The following COL19A1 variants were observed in gnomAD, a reference collection of about 807,000 sequenced individuals.
COL19A1 encodes collagen alpha-1(XIX) chain.
Under a neutral mutation model 190.2 loss-of-function variants are expected in COL19A1, and 159 were observed. The observed-to-expected ratio is 0.84, with a 90% CI of 0.73 to 0.95. The LOEUF is 0.95. Ranked by LOEUF, COL19A1 falls within the 40% of genes least tolerant of loss-of-function variation. The pLI, the probability that COL19A1 is intolerant of heterozygous loss-of-function variation, is 0.00. For synonymous variants in COL19A1, 509 were observed against 458.9 expected, an observed-to-expected ratio of 1.11 and a Z score of -1.39; for missense variants, 1,418 against 1,431.9, an observed-to-expected ratio of 0.99 and a Z score of 0.16.
At chr6:69,954,336 C>A (rs1441596153) in intron 9 of COL19A1, among the ~76,000 whole-genome samples, 2 of 152,010 alleles carry the variant, frequency 1.3e-5, no homozygotes, top group African/African-American at 4.8e-5. Context: ...ATCCCAGCAA[C>A]TGACCCAGCG....
chr6:69,913,836 G>T (rs996839275), intron 4 of COL19A1, among the ~76,000 whole-genome samples: 1 of 152,050 alleles, frequency 6.6e-6, no homozygotes. Context: ...GAAAATCTCA[G>T]CTTTCAATTA....
chr6:70,145,126 A>AG, intron 25 of COL19A1, 119 bp downstream of exon 25: 5 of 763,914 alleles, frequency 6.5e-6, no homozygotes, highest in Non-Finnish European at 8.8e-6. Context: ...AAAGGAAAAA[A>AG]GAACTTAAAA....
chr6:70,194,226 G>A (rs912355602), intron 48 of COL19A1, among the ~76,000 whole-genome samples: 1 of 152,162 alleles, frequency 6.6e-6, no homozygotes, highest in African/African-American at 2.4e-5. Flanking sequence ...ATCATCCCAA[G>A]TGTCCAGATT....
intron 15 of COL19A1, among the ~76,000 whole-genome samples, chr6:70,076,250 T>C (rs1169002958): frequency 2.0e-5 from 3 of 152,184 alleles, no homozygotes; most frequent in African/African-American, 7.2e-5. Context: ...TTGGCAATTC[T>C]CCAAGGCTGC....
chr6:70,211,170 G>A lies in COL19A1; in HGVS notation c.*3896G>A, dbSNP rs148101758. ...AATTTTACAGTTATATTTGTATAAC[G>A]TTTATATTTTTCTAGAATACATCAC... On this transcript the variant is annotated 3_prime_UTR_variant, in exon 51 of 51. Transcript: ENST00000620364. Among the ~76,000 whole-genome samples the A allele has an allele frequency of 7.0e-4, 107 of 152,042 alleles. 1 individual carries two copies. The East Asian group carries it at 0.018, about 26-fold the overall frequency.
At chr6:70,206,123 C>T (rs1767833703) in intron 49 of COL19A1, among the ~76,000 whole-genome samples, 1 of 152,170 alleles carries the variant, frequency 6.6e-6, no homozygotes, top group African/African-American at 2.4e-5. Flanking sequence ...CCTTTCATTT[C>T]CTTTAATTCT....
chr6:70,212,209 T>G lies in COL19A1; in HGVS notation c.*4935T>G, dbSNP rs1768246378. 6.6e-6 allele frequency among the ~76,000 whole-genome samples: 1 copy of G among 152,232 alleles called. No homozygotes were observed. Among genetic ancestry groups the G allele is most frequent in the African/African-American group, 2.4e-5 (1 of 41,458 alleles). On this transcript the variant is annotated 3_prime_UTR_variant, in exon 51 of 51. Transcript: ENST00000620364. ...CATTAATGTCTTTAAATTCAGGTTG[T>G]ATTGGGTGTATTTTACAACTATTTA...
chr6:70,146,329 G>C (rs1448570922), intron 25 of COL19A1, among the ~76,000 whole-genome samples: 2 of 152,080 alleles, frequency 1.3e-5, no homozygotes, highest in Non-Finnish European at 1.5e-5. Context: ...TTGAAAACTG[G>C]ACTGCCGGAA....
chr6:69,902,390 G>A (rs781223058), intron 4 of COL19A1, among the ~76,000 whole-genome samples: 25 of 152,108 alleles, frequency 1.6e-4, no homozygotes, highest in Non-Finnish European at 2.9e-4. Context: ...TGAGAGGAGA[G>A]ACCTAATGAG....
chr6:70,190,322 C>A lies in COL19A1; in HGVS notation c.3035C>A (p.Ala1012Glu). 2 of 1,601,674 alleles carry A rather than the reference C, an allele frequency of 1.2e-6. No homozygotes were observed. The highest frequency in any genetic ancestry group is 8.5e-7 in the Non-Finnish European group (1 of 1,170,658). ...TTTTTTTTCCTTCTTCAGGCTGATG[C>A]AGTTTCATTTGAAGAAATAAAGAAG... Reference protein sequence around the residue: ...SPGIPGIPADAVSFEEIKKYI... With the variant: ...SPGIPGIPADEVSFEEIKKYI... Residue 1012 changes from alanine (A) to glutamate (E), a missense_variant, in exon 48 of 51, where the codon GCA becomes GAA. Coordinates refer to ENST00000620364, the MANE Select transcript of COL19A1 (RefSeq NM_001858.6).
At chr6:70,078,288 G>A (rs542025504) in intron 15 of COL19A1, among the ~76,000 whole-genome samples, 24 of 152,318 alleles carry the variant, frequency 1.6e-4, no homozygotes, top group Admixed American at 3.9e-4. Context: ...TACCATGGAA[G>A]TTGGCTTAAG....
Position 69,900,264 on chromosome 6 carries a change from T to G in COL19A1, c.192T>G (p.Ser64=). ...GTTTTGATCTAGGAGACAGCTTTTCTCTAAGACGTGCATTTTGTGAAAGTG... is the reference window on the plus strand; with the variant it reads ...GTTTTGATCTAGGAGACAGCTTTTCGCTAAGACGTGCATTTTGTGAAAGTG... ...VSGFDLGDSF[S]LRRAFCESDK... is the part of the protein sequence containing the mutation. The change falls in exon 4 of 51, where the codon TCT becomes TCG. Residue 64 remains serine, a synonymous_variant. Coordinates refer to ENST00000620364, the MANE Select transcript of COL19A1 (RefSeq NM_001858.6). 4 of 1,595,374 alleles carry G rather than the reference T, an allele frequency of 2.5e-6. No individual in the cohort carries two copies. The highest frequency in any genetic ancestry group is 3.4e-6 in the Non-Finnish European group (4 of 1,170,660).
At chr6:69,927,256 A>C (rs2150009645) in intron 4 of COL19A1, among the ~76,000 whole-genome samples, 1 of 152,326 alleles carries the variant, frequency 6.6e-6, no homozygotes, top group Admixed American at 6.5e-5. Context: ...TTTTCTTATC[A>C]GATTTAAAAT....
intron 41 of COL19A1, among the ~76,000 whole-genome samples, chr6:70,173,326 A>G (rs1765604846): frequency 6.6e-6 from 1 of 152,190 alleles, no homozygotes. Flanking sequence ...ACTGGATAAG[A>G]TTACCAAGGG....
At chr6:70,076,617 A>C (rs1033051510) in intron 15 of COL19A1, among the ~76,000 whole-genome samples, 2 of 152,150 alleles carry the variant, frequency 1.3e-5, no homozygotes, top group Non-Finnish European at 2.9e-5. Flanking sequence ...GAGCAATTGG[A>C]TCAATTTGTG....
intron 4 of COL19A1, among the ~76,000 whole-genome samples, chr6:69,924,145 C>T (rs1247653785): frequency 6.6e-6 from 1 of 152,084 alleles, no homozygotes; most frequent in Non-Finnish European, 1.5e-5. Flanking sequence ...GGTACATGTG[C>T]ACAATGTGCA....
chr6:69,973,829 T>C (rs985886408), intron 11 of COL19A1: 1 of 152,212 alleles, frequency 6.6e-6, no homozygotes, highest in Non-Finnish European at 1.5e-5. Context: ...GGTGTGTTAT[T>C]TTTATTCAGG....
intron 11 of COL19A1, among the ~76,000 whole-genome samples, chr6:69,966,192 TG>T (rs1360867435): frequency 6.6e-6 from 1 of 151,660 alleles, no homozygotes; most frequent in East Asian, 1.9e-4. Context: ...GTGCGGGAGG[TG>T]GGGGGCACCT....
At chr6:69,879,405 AAT>A in intron 1 of COL19A1, 129 bp from the exon 2 acceptor site, 1 of 606,000 alleles carries the variant, frequency 1.7e-6, no homozygotes, top group South Asian at 2.1e-5. Flanking sequence ...TTGCATATAT[AAT>A]CATATTTCCT....
Sources: gnomAD v4.1 joint callset for allele counts (sites outside exome capture counted in the v4.1 genomes callset) on GRCh38, gnomAD v4.1.1 for gene constraint, MANE v1.5 for transcripts, NCBI Gene and HGNC (gene_info 2026-07-23, HGNC 2026-07-21) for gene names.